ATG7: variants seen among roughly 807,000 people sequenced by gnomAD.
The protein encoded by ATG7 is autophagy related 7.
A neutral mutation model predicts 82.4 loss-of-function variants in ATG7; 70 were observed. That is an observed-to-expected ratio of 0.85 (90% CI 0.70 to 1.04). The LOEUF (loss-of-function observed/expected upper bound fraction) is 1.04. Among genes scored for constraint, ATG7 ranks in the 50% least tolerant of loss-of-function variants. The probability of loss-of-function intolerance (pLI) is 0.00; values close to 1 mark genes in which losing one functional copy is unlikely to be tolerated. For synonymous variants in ATG7, 287 were observed against 313.0 expected, an observed-to-expected ratio of 0.92 and a Z score of 0.88; for missense variants, 792 against 864.3, an observed-to-expected ratio of 0.92 and a Z score of 1.05.
intron 3 of ATG7, among the ~76,000 whole-genome samples, chr3:11,289,991 C>T (rs867702224): frequency 5.3e-5 from 8 of 152,166 alleles, no homozygotes; most frequent in African/African-American, 1.7e-4. Flanking sequence ...AACGTTTGTA[C>T]AACAGCAAAC....
chr3:11,405,027 A>G (rs1041732493), intron 19 of ATG7, among the ~76,000 whole-genome samples: 1 of 152,212 alleles, frequency 6.6e-6, no homozygotes, highest in Admixed American at 6.5e-5. Context: ...AGCCTCCTTT[A>G]GTATTTTCCA....
intron 20 of ATG7, among the ~76,000 whole-genome samples, chr3:11,498,638 C>A (rs962745005): frequency 6.6e-6 from 1 of 152,212 alleles, no homozygotes; most frequent in African/African-American, 2.4e-5. Context: ...GACCTGCTGG[C>A]CAGACTGGTG....
At chr3:11,497,419 G>A (rs1024464471) in intron 20 of ATG7, among the ~76,000 whole-genome samples, 1 of 126,734 alleles carries the variant, frequency 7.9e-6, no homozygotes, top group African/African-American at 3.0e-5. Flanking sequence ...GTGGGTGCCT[G>A]TAATACCAGC....
intron 20 of ATG7, among the ~76,000 whole-genome samples, chr3:11,536,579 G>A (rs1277227586): frequency 2.6e-5 from 4 of 152,226 alleles, no homozygotes; most frequent in Admixed American, 1.3e-4. Context: ...TGTGTTCCAC[G>A]GAGGTCGCCA....
chr3:11,573,349 AAGAAAG>A, the ATG7 span, among the ~76,000 whole-genome samples: 1 of 100,776 alleles, frequency 9.9e-6, no homozygotes, highest in South Asian at 2.9e-4. Context: ...GAAAGAAAGA[AAGAAAG>A]AAAGAAAGAA....
intron 8 of ATG7, among the ~76,000 whole-genome samples, chr3:11,315,143 T>C (rs937170912): frequency 1.6e-4 from 24 of 152,272 alleles, no homozygotes; most frequent in African/African-American, 5.1e-4. Flanking sequence ...CACACCACCA[T>C]GCCCCTGGAA....
intron 9 of ATG7, among the ~76,000 whole-genome samples, chr3:11,329,479 C>G (rs964187100): frequency 2.6e-5 from 4 of 152,146 alleles, no homozygotes; most frequent in African/African-American, 9.7e-5. Flanking sequence ...CTCCCTCACC[C>G]CTACTCACTC....
intron 16 of ATG7, among the ~76,000 whole-genome samples, chr3:11,361,121 G>A (rs1267848880): frequency 6.6e-6 from 1 of 152,124 alleles, no homozygotes; most frequent in Non-Finnish European, 1.5e-5. Flanking sequence ...GGAGTCTAAA[G>A]ACCAGATTCC....
rs771078951 is a variant in ATG7, at chr3:11,342,185, T to G, written c.1031T>G (p.Leu344Trp). ...AATCTCAAACTGATGTGTTGGAGAT[T>G]GGTTCCTACTTTAGACTTGGACAAG... The part of the protein sequence containing the change: ...DLNLKLMCWR[L>W]VPTLDLDKVV... Residue 344 changes from leucine (L) to tryptophan (W), a missense_variant, in exon 13 of 21, where the codon TTG becomes TGG. Coordinates refer to ENST00000693202, the MANE Select transcript of ATG7 (RefSeq NM_001349232.2). 1 of 1,613,544 alleles carries G rather than the reference T, an allele frequency of 6.2e-7. No homozygotes were observed. Among genetic ancestry groups the G allele is most frequent in the South Asian group, 1.1e-5 (1 of 91,038 alleles).
rs63554663 is a variant in ATG7, at chr3:11,395,969, A to T, written c.1956+15917A>T. On this transcript the variant is annotated intron_variant, in intron 19 of 20. Transcript: ENST00000693202. ...AAAAAAAAAAAAAAAAAAAAAAGGT[A>T]GGGGGGGAAGAGTAAAAGTGAAGGT... 2.2e-4 allele frequency among the ~76,000 whole-genome samples: 20 copies of T among 89,344 alleles called. 3 individuals are homozygous for T. The highest frequency in any genetic ancestry group is 7.7e-4 in the African/African-American group (17 of 22,176). 58.6% of individuals were successfully genotyped at this position (89,344 alleles called of 152,430 possible). A position where few individuals can be genotyped will look rare whatever the true frequency, so the allele number is the denominator to read the frequency against.
intron 20 of ATG7, among the ~76,000 whole-genome samples, chr3:11,540,969 G>A (rs779194510): frequency 6.1e-5 from 9 of 147,492 alleles, no homozygotes; most frequent in Non-Finnish European, 1.3e-4. Context: ...GTGCAATCTT[G>A]GCTCACTGCA....
At chr3:11,441,625 C>T (rs985177092) in intron 20 of ATG7, among the ~76,000 whole-genome samples, 12 of 148,170 alleles carry the variant, frequency 8.1e-5, no homozygotes, top group African/African-American at 3.0e-4. Flanking sequence ...ATTGGTTTAT[C>T]TGTACTCTGT....
At chr3:11,372,067 G>A (rs1394949247) in intron 18 of ATG7, among the ~76,000 whole-genome samples, 2 of 151,392 alleles carry the variant, frequency 1.3e-5, no homozygotes, top group Non-Finnish European at 2.9e-5. Flanking sequence ...TGAGGACGGT[G>A]TGTCCTGTCT....
chr3:11,436,132 A>G (rs532067079), intron 20 of ATG7, among the ~76,000 whole-genome samples: 163 of 152,318 alleles, frequency 1.1e-3, no homozygotes, highest in African/African-American at 3.6e-3. Flanking sequence ...ATAAAGATAC[A>G]GAACTCAATT....
chr3:11,561,635 T>C (rs2073015210), downstream of ATG7, among the ~76,000 whole-genome samples: 1 of 152,072 alleles, frequency 6.6e-6, no homozygotes, highest in Non-Finnish European at 1.5e-5. Context: ...GGCCTCCAGA[T>C]GGTGAGCGTT....
chr3:11,464,981 A>G (rs558282399), intron 20 of ATG7, among the ~76,000 whole-genome samples: 2 of 152,308 alleles, frequency 1.3e-5, no homozygotes, highest in African/African-American at 4.8e-5. Context: ...TGCCACATCT[A>G]TCATCATCGT....
At chr3:11,405,676 G>A (rs1322222700) in intron 19 of ATG7, among the ~76,000 whole-genome samples, 1 of 152,018 alleles carries the variant, frequency 6.6e-6, no homozygotes, top group Non-Finnish European at 1.5e-5. Flanking sequence ...CGTCCAGGCT[G>A]GAGTGCAGTG....
At chr3:11,285,991 A>T (rs942216522) in intron 3 of ATG7, among the ~76,000 whole-genome samples, 18 of 152,184 alleles carry the variant, frequency 1.2e-4, no homozygotes, top group Non-Finnish European at 2.6e-4. Flanking sequence ...TTTTAAGACC[A>T]TGGCACTTCT....
intron 14 of ATG7, among the ~76,000 whole-genome samples, chr3:11,353,376 G>A (rs968794371): frequency 5.3e-5 from 8 of 152,254 alleles, no homozygotes; most frequent in Admixed American, 2.6e-4. Flanking sequence ...ACTGAGAGGC[G>A]GAGGTTGCAG....
Sources: gnomAD v4.1 joint callset for allele counts (sites outside exome capture counted in the v4.1 genomes callset) on GRCh38, gnomAD v4.1.1 for gene constraint, MANE v1.5 for transcripts, NCBI Gene and HGNC (gene_info 2026-07-23, HGNC 2026-07-21) for gene names.